STARD9: variants seen among roughly 807,000 people sequenced by gnomAD.
STARD9 encodes the protein stAR-related lipid transfer protein 9.
STARD9 carries 346 observed loss-of-function variants against 399.8 expected under a neutral mutation model. That is an observed-to-expected ratio of 0.87 (90% CI 0.79 to 0.95). The LOEUF is 0.95. STARD9 is among the 40% of genes least tolerant of loss of function. STARD9 has a pLI of 0.00. For missense variants in STARD9, 5,832 were observed against 5,667.5 expected (o/e 1.03, Z -0.93); for synonymous variants, 2,203 against 2,143.5 (o/e 1.03, Z -0.77).
At chr15:42,593,852 TAG>T (rs1382052676) in intron 3 of STARD9, among the ~76,000 whole-genome samples, 2 of 151,730 alleles carry the variant, frequency 1.3e-5, no homozygotes, top group African/African-American at 2.4e-5. Context: ...GTATTTTTAG[TAG>T]AGACGGGGTT....
Position 42,685,174 on chromosome 15 carries a change from A to T in STARD9, c.3596A>T (p.His1199Leu). The T allele has an allele frequency of 6.5e-7, 1 of 1,537,070 alleles. No individual in the cohort carries two copies. The highest frequency in any genetic ancestry group is 8.7e-7 in the Non-Finnish European group (1 of 1,146,868). Residue 1199 changes from histidine to leucine, a missense_variant, in exon 23 of 33, where the codon CAT (histidine) becomes CTT (leucine). Coordinates refer to ENST00000290607, the MANE Select transcript of STARD9 (RefSeq NM_020759.3). ...ASDSDLLAQTHRSFSLDSLID... is the reference protein window; with the variant it reads ...ASDSDLLAQTLRSFSLDSLID... ...GACAGTGACCTACTTGCTCAAACTC[A>T]TAGGAGCTTCTCCTTGGATAGCCTG...
intron 3 of STARD9, among the ~76,000 whole-genome samples, chr15:42,590,767 A>AGC (rs1182869827): frequency 2.0e-5 from 3 of 152,112 alleles, no homozygotes; most frequent in Non-Finnish European, 4.4e-5. Context: ...CGAGAGAGAG[A>AGC]GAGCGAGAGA....
In STARD9 at chr15:42,614,858, G is replaced by A. The variant is rs1056686032; in HGVS notation, c.235-19998G>A. On this transcript the variant is annotated intron_variant, in intron 3 of 32. Coordinates refer to ENST00000290607, the MANE Select transcript of STARD9 (RefSeq NM_020759.3). ...TGGGCACCTGTAATCCCAGCTACTC[G>A]GGAGGCTGAGGCGGGAGAATCCCTT... 6.0e-4 allele frequency among the ~76,000 whole-genome samples: 91 copies of A among 152,064 alleles called. 1 individual carries two copies. Among genetic ancestry groups the A allele is most frequent in the Non-Finnish European group, 9.4e-4 (64 of 67,970 alleles).
At chr15:42,610,858 T>G (rs1281231183) in intron 3 of STARD9, among the ~76,000 whole-genome samples, 1 of 152,242 alleles carries the variant, frequency 6.6e-6, no homozygotes. Flanking sequence ...AAACTGATTC[T>G]TTCTTAACTG....
chr15:42,678,249 G>T (rs2060353165), intron 20 of STARD9, among the ~76,000 whole-genome samples: 2 of 152,182 alleles, frequency 1.3e-5, no homozygotes, highest in African/African-American at 4.8e-5. Flanking sequence ...TCCCAGTCTG[G>T]ATTTGTGGTT....
intron 3 of STARD9, among the ~76,000 whole-genome samples, chr15:42,627,429 T>G (rs1329353152): frequency 1.3e-5 from 2 of 152,240 alleles, no homozygotes; most frequent in Non-Finnish European, 2.9e-5. Flanking sequence ...CAAGCATTTA[T>G]CCTTTCTTTA....
chr15:42,663,759 A>G (rs938266640), intron 12 of STARD9, 61 bp from the exon 13 acceptor site: 1 of 1,241,460 alleles, frequency 8.1e-7, no homozygotes, highest in African/African-American at 1.5e-5. Flanking sequence ...TAACAAGGCA[A>G]GTGATTAAGA....
chr15:42,665,673 A>C, intron 14 of STARD9, 113 bp from the exon 15 acceptor site: 2 of 828,284 alleles, frequency 2.4e-6, no homozygotes, highest in Non-Finnish European at 3.8e-6. Context: ...TCTTATTTTA[A>C]TAATAAAGTT....
intron 7 of STARD9, among the ~76,000 whole-genome samples, chr15:42,642,160 A>G (rs2059551219): frequency 6.6e-6 from 1 of 152,216 alleles, no homozygotes; most frequent in African/African-American, 2.4e-5. Context: ...CATGAAACCA[A>G]TTCTACAGAA....
chr15:42,593,654 CTT>C (rs71108170), intron 3 of STARD9, among the ~76,000 whole-genome samples: 5,502 of 65,732 alleles, frequency 0.084, 14 homozygotes, highest in Non-Finnish European at 0.11. Context: ...GGTTGTGCTT[CTT>C]TTTTTTTTTT....
chr15:42,593,120 T>C (rs2058433615), intron 3 of STARD9, among the ~76,000 whole-genome samples: 1 of 152,184 alleles, frequency 6.6e-6, no homozygotes, highest in Non-Finnish European at 1.5e-5. Context: ...CCTGCCGTGA[T>C]TACCATTATC....
chr15:42,686,944 T>C lies in STARD9; in HGVS notation c.5366T>C (p.Leu1789Pro). ...AWGFGHNHQA[L>P]QGAYLKNNLP... ...GGCTTTGGTCACAACCACCAAGCTC[T>C]CCAAGGTGCTTATTTGAAGAATAAT... Residue 1789 changes from leucine (L) to proline (P), a missense_variant, in exon 23 of 33, where the codon CTC (leucine) becomes CCC (proline). By Grantham distance (98) the Leu-to-Pro change is moderately conservative. Transcript: ENST00000290607. 1 of 1,536,648 alleles carries C rather than the reference T, an allele frequency of 6.5e-7. No individual in the cohort carries two copies. The highest frequency in any genetic ancestry group is 8.7e-7 in the Non-Finnish European group (1 of 1,146,826).
chr15:42,577,705 GC>G (rs2058086557), intron 1 of STARD9, among the ~76,000 whole-genome samples: 1 of 152,190 alleles, frequency 6.6e-6, no homozygotes, highest in Non-Finnish European at 1.5e-5. Context: ...ACCCAGTGTG[GC>G]CCCAGCCAAG....
chr15:42,579,652 C>T (rs189554686), intron 1 of STARD9, among the ~76,000 whole-genome samples: 16 of 152,198 alleles, frequency 1.1e-4, no homozygotes, highest in African/African-American at 3.6e-4. Flanking sequence ...ACTGGAAGAA[C>T]ACATTTTTTA....
intron 3 of STARD9, chr15:42,630,093 T>C (rs577253212): frequency 6.6e-6 from 1 of 151,126 alleles, no homozygotes; most frequent in Non-Finnish European, 1.5e-5. Context: ...AACCTCCATC[T>C]TCTGGGTTCA....
intron 4 of STARD9, 57 bp from the exon 5 acceptor site, chr15:42,637,850 T>TG (rs2059447841): frequency 6.6e-7 from 1 of 1,518,862 alleles, no homozygotes; most frequent in Non-Finnish European, 8.8e-7. Flanking sequence ...GGGTATTCTG[T>TG]GGGGGAGAGC....
chr15:42,575,786 C>T, intron 1 of STARD9, 24 bp downstream of exon 1: 2 of 1,536,432 alleles, frequency 1.3e-6, no homozygotes, highest in South Asian at 2.4e-5. Flanking sequence ...GGAGAGGGCG[C>T]CTGAGGCTTC....
intron 9 of STARD9, among the ~76,000 whole-genome samples, chr15:42,652,895 C>G (rs1242539901): frequency 6.6e-6 from 1 of 152,136 alleles, no homozygotes; most frequent in African/African-American, 2.4e-5. Context: ...CCAGACTGGT[C>G]TCAAACTCCT....
At chr15:42,630,567 G>A (rs1007273076) in intron 3 of STARD9, among the ~76,000 whole-genome samples, 7 of 151,982 alleles carry the variant, frequency 4.6e-5, no homozygotes, top group East Asian at 1.9e-4. Context: ...CAGGTTCTGG[G>A]GTTTTCTTTG....
Sources: allele counts gnomAD v4.1 joint callset (sites outside exome capture counted in the v4.1 genomes callset), GRCh38; gene constraint gnomAD v4.1.1; transcripts MANE v1.5; gene names NCBI Gene and HGNC (gene_info 2026-07-23, HGNC 2026-07-21).